ELMO1: variants seen among roughly 807,000 people sequenced by gnomAD.
The protein encoded by ELMO1 is engulfment and cell motility protein 1.
ELMO1 carries 26 observed loss-of-function variants against 98.9 expected under a neutral mutation model. That is an observed-to-expected ratio of 0.26 (90% CI 0.19 to 0.36). The LOEUF (loss-of-function observed/expected upper bound fraction) is 0.36. Among genes scored for constraint, ELMO1 ranks in the 10% least tolerant of loss-of-function variants. The probability of loss-of-function intolerance (pLI) is 1.00; values close to 1 mark genes in which losing one functional copy is unlikely to be tolerated. For missense variants in ELMO1, 627 were observed against 935.2 expected (o/e 0.67, Z 4.30); for synonymous variants, 346 against 346.0 (o/e 1.00, Z 0.00).
At chr7:37,230,655 A>G (rs1030685679) in intron 8 of ELMO1, among the ~76,000 whole-genome samples, 1 of 152,236 alleles carries the variant, frequency 6.6e-6, no homozygotes, top group African/African-American at 2.4e-5. Context: ...TCAGTACAAC[A>G]TTGTTGTTAC....
rs563559694 is a variant in ELMO1, at chr7:37,035,337, T to C, written c.1301-21902A>G. On this transcript the variant is annotated intron_variant, in intron 15 of 21. Coordinates refer to ENST00000310758, the MANE Select transcript of ELMO1 (RefSeq NM_014800.11). The stretch of plus-strand genomic sequence containing the variant: ...TCTTTCACCTTCCTTTTGCTTTAAG[T>C]TGTCACAGAATGACTTCTTTTTTGG... Among the ~76,000 whole-genome samples the C allele has an allele frequency of 6.6e-5, 10 of 152,374 alleles. No homozygotes were observed. In the South Asian group the frequency reaches 1.2e-3, roughly 19 times the overall value.
chr7:37,241,885 G>T (rs1156379718), intron 7 of ELMO1, among the ~76,000 whole-genome samples: 1 of 152,064 alleles, frequency 6.6e-6, no homozygotes, highest in East Asian at 1.9e-4. Context: ...GCCTTTTAAA[G>T]AAATTTAAAG....
At chr7:36,874,712 C>T (rs1377661481) in intron 19 of ELMO1, among the ~76,000 whole-genome samples, 3 of 152,136 alleles carry the variant, frequency 2.0e-5, no homozygotes, top group Non-Finnish European at 4.4e-5. Flanking sequence ...GAATGCTGGC[C>T]TAGATTCTTT....
intron 16 of ELMO1, among the ~76,000 whole-genome samples, chr7:36,924,740 G>C (rs1424278448): frequency 6.6e-6 from 1 of 152,150 alleles, no homozygotes; most frequent in Non-Finnish European, 1.5e-5. Flanking sequence ...AGAGAACGGA[G>C]GGGAACAGCA....
chr7:37,207,234 T>C (rs1264403197), intron 13 of ELMO1, among the ~76,000 whole-genome samples: 1 of 152,182 alleles, frequency 6.6e-6, no homozygotes, highest in African/African-American at 2.4e-5. Context: ...CCATATGCCC[T>C]TCCTTAGAAG....
intron 16 of ELMO1, among the ~76,000 whole-genome samples, chr7:36,988,185 T>C (rs1791642427): frequency 6.6e-6 from 1 of 152,206 alleles, no homozygotes; most frequent in Admixed American, 6.5e-5. Flanking sequence ...GCCAACACTG[T>C]CAATCTTTCT....
At position 37,097,775 on chromosome 7, in the gene ELMO1, CA is replaced by C. The variant is rs147544596; in HGVS notation, c.1192-1049del. The stretch of plus-strand genomic sequence containing the variant: ...ACTAAAATGCAAAGTAAAACAGAGA[CA>C]AGAGACAGCAAGAGACCTAGAAGTG... On this transcript the variant is annotated intron_variant, in intron 14 of 21. Transcript: ENST00000310758. 6.2e-3 allele frequency among the ~76,000 whole-genome samples: 947 copies of C among 152,254 alleles called. 3 individuals carry two copies. The highest frequency in any genetic ancestry group is 0.022 in the African/African-American group (914 of 41,528).
intron 4 of ELMO1, among the ~76,000 whole-genome samples, chr7:37,313,472 C>A (rs1179418582): frequency 6.6e-6 from 1 of 152,108 alleles, no homozygotes; most frequent in Admixed American, 6.5e-5. Flanking sequence ...TGATCTGCCG[C>A]CCTTGGCCTC....
At chr7:37,166,152 G>C (rs1017442050) in intron 13 of ELMO1, among the ~76,000 whole-genome samples, 1 of 152,110 alleles carries the variant, frequency 6.6e-6, no homozygotes, top group African/African-American at 2.4e-5. Flanking sequence ...ATCTCTGATG[G>C]TAGTTTGTAT....
intron 4 of ELMO1, among the ~76,000 whole-genome samples, chr7:37,310,289 T>C (rs1798824517): frequency 6.6e-6 from 1 of 152,198 alleles, no homozygotes; most frequent in Non-Finnish European, 1.5e-5. Context: ...CATCCTGCAA[T>C]CATAATAAAA....
intron 1 of ELMO1, among the ~76,000 whole-genome samples, chr7:37,389,818 C>T (rs1273068307): frequency 6.6e-6 from 1 of 152,144 alleles, no homozygotes. Context: ...GCACGGGCAT[C>T]CCCCGAGATT....
chr7:37,314,557 C>T (rs1253581317), intron 4 of ELMO1, among the ~76,000 whole-genome samples: 3 of 152,100 alleles, frequency 2.0e-5, no homozygotes, highest in Non-Finnish European at 4.4e-5. Context: ...CCAACTAAGT[C>T]ATTAAGTATC....
intron 6 of ELMO1, among the ~76,000 whole-genome samples, chr7:37,249,544 A>T (rs1328027809): frequency 6.6e-6 from 1 of 152,372 alleles, no homozygotes; most frequent in East Asian, 1.9e-4. Flanking sequence ...GAACTCCACA[A>T]ATACCACTGC....
At chr7:36,957,059 T>C (rs1307760240) in intron 16 of ELMO1, among the ~76,000 whole-genome samples, 1 of 152,274 alleles carries the variant, frequency 6.6e-6, no homozygotes, top group East Asian at 1.9e-4. Context: ...GTCAGCCTTG[T>C]TTCTGTGGAG....
At chr7:37,220,590 T>C (rs572227953) in intron 10 of ELMO1, among the ~76,000 whole-genome samples, 1 of 152,360 alleles carries the variant, frequency 6.6e-6, no homozygotes, top group South Asian at 2.1e-4. Flanking sequence ...CGACATTCCA[T>C]TATATTACCA....
intron 1 of ELMO1, among the ~76,000 whole-genome samples, chr7:37,394,149 C>T (rs971435566): frequency 1.3e-5 from 2 of 152,254 alleles, no homozygotes; most frequent in East Asian, 3.9e-4. Context: ...TAATGTTGGA[C>T]AATACCCTGC....
At chr7:37,007,266 TCTC>T (rs752558540) in intron 16 of ELMO1, among the ~76,000 whole-genome samples, 21 of 152,116 alleles carry the variant, frequency 1.4e-4, no homozygotes, top group Admixed American at 1.0e-3. Context: ...TTAAAAGACT[TCTC>T]CTCTACTCAA....
At chr7:37,302,786 G>A (rs546290193) in intron 4 of ELMO1, among the ~76,000 whole-genome samples, 42 of 152,258 alleles carry the variant, frequency 2.8e-4, no homozygotes, top group Non-Finnish European at 5.4e-4. Flanking sequence ...TAAATTTGGG[G>A]TGTTTTTTAA....
At chr7:37,309,868 T>G (rs1463830985) in intron 4 of ELMO1, among the ~76,000 whole-genome samples, 1 of 152,178 alleles carries the variant, frequency 6.6e-6, no homozygotes, top group Non-Finnish European at 1.5e-5. Flanking sequence ...ACCTCTAAGC[T>G]TCAATCCTTT....
Sources: gnomAD v4.1 joint callset for allele counts (sites outside exome capture counted in the v4.1 genomes callset) on GRCh38, gnomAD v4.1.1 for gene constraint, MANE v1.5 for transcripts, NCBI Gene and HGNC (gene_info 2026-07-23, HGNC 2026-07-21) for gene names.